NRG1: variants seen among roughly 807,000 people sequenced by gnomAD.
The protein encoded by NRG1 is pro-neuregulin-1, membrane-bound isoform.
NRG1 carries 18 observed loss-of-function variants against 63.8 expected under a neutral mutation model. That is an observed-to-expected ratio of 0.28 (90% CI 0.19 to 0.42). NRG1 has a LOEUF of 0.42. Ranked by LOEUF, NRG1 falls within the 10% of genes least tolerant of loss-of-function variation. NRG1 has a pLI of 1.00. For missense variants in NRG1, 762 were observed against 814.7 expected, an observed-to-expected ratio of 0.94 and a Z score of 0.79; for synonymous variants, 302 against 301.3, an observed-to-expected ratio of 1.00 and a Z score of -0.02.
intron 1 of NRG1, among the ~76,000 whole-genome samples, chr8:32,518,083 A>G (rs1830007460): frequency 6.6e-6 from 1 of 152,166 alleles, no homozygotes; most frequent in African/African-American, 2.4e-5. Flanking sequence ...ATAAATATTT[A>G]TTTCCATATC....
intron 1 of NRG1, among the ~76,000 whole-genome samples, chr8:32,506,125 C>A (rs962374193): frequency 2.0e-5 from 3 of 152,154 alleles, no homozygotes; most frequent in African/African-American, 4.8e-5. Flanking sequence ...TGGTGTACAT[C>A]TGTAGTCTCA....
chr8:32,309,474 T>C (rs558384586), intron 1 of NRG1, among the ~76,000 whole-genome samples: 2 of 152,348 alleles, frequency 1.3e-5, no homozygotes, highest in African/African-American at 2.4e-5. Flanking sequence ...AAGATCTTCA[T>C]GTACACGTGA....
intron 1 of NRG1, among the ~76,000 whole-genome samples, chr8:31,997,689 C>T (rs1812240494): frequency 6.6e-6 from 1 of 151,976 alleles, no homozygotes; most frequent in African/African-American, 2.4e-5. Context: ...ATCACACTGT[C>T]TCCTTCTACT....
At chr8:32,076,143 A>G (rs964835221) in intron 1 of NRG1, among the ~76,000 whole-genome samples, 3 of 152,166 alleles carry the variant, frequency 2.0e-5, no homozygotes, top group Admixed American at 6.5e-5. Flanking sequence ...ACAGAGTTAG[A>G]TAGCATTTAC....
chr8:32,743,556 T>A (rs1826825341), intron 7 of NRG1, among the ~76,000 whole-genome samples: 1 of 86,788 alleles, frequency 1.2e-5, no homozygotes, highest in Non-Finnish European at 2.3e-5. Flanking sequence ...CATATATATA[T>A]AAAACTTAAG....
intron 5 of NRG1, among the ~76,000 whole-genome samples, chr8:32,631,247 A>G (rs1446188392): frequency 6.6e-6 from 1 of 151,960 alleles, no homozygotes; most frequent in Non-Finnish European, 1.5e-5. Context: ...TGGGATTACA[A>G]CTCTTCTTTC....
intron 1 of NRG1, among the ~76,000 whole-genome samples, chr8:32,107,060 T>TACAACAACA (rs10633352): frequency 8.7e-5 from 13 of 150,070 alleles, no homozygotes; most frequent in African/African-American, 2.9e-4. Context: ...CTACTAAAAA[T>TACAACAACA]ACAACAACAA....
intron 1 of NRG1, among the ~76,000 whole-genome samples, chr8:32,331,121 C>G (rs752168218): frequency 6.6e-6 from 1 of 151,970 alleles, no homozygotes; most frequent in Non-Finnish European, 1.5e-5. Context: ...TAAATAGAGT[C>G]GTTACGCAAG....
At chr8:32,301,053 C>A (rs528818429) in intron 1 of NRG1, among the ~76,000 whole-genome samples, 1 of 152,144 alleles carries the variant, frequency 6.6e-6, no homozygotes, top group Non-Finnish European at 1.5e-5. Flanking sequence ...ACAATCTAAG[C>A]ATTGAGTCTT....
At chr8:32,694,489 T>C (rs760630742) in intron 5 of NRG1, among the ~76,000 whole-genome samples, 2 of 152,190 alleles carry the variant, frequency 1.3e-5, no homozygotes, top group Admixed American at 6.5e-5. Flanking sequence ...CCCATCATGG[T>C]GCTCGATCAG....
intron 1 of NRG1, among the ~76,000 whole-genome samples, chr8:32,466,077 C>G (rs1429245956): frequency 6.6e-6 from 1 of 152,102 alleles, no homozygotes; most frequent in African/African-American, 2.4e-5. Context: ...CCGAGATGGG[C>G]TGATCGCTTG....
chr8:32,322,355 T>TTTTATATA (rs1554507854), intron 1 of NRG1, among the ~76,000 whole-genome samples: 11 of 142,656 alleles, frequency 7.7e-5, no homozygotes, highest in African/African-American at 2.9e-4. Flanking sequence ...CAACCTTATT[T>TTTTATATA]TATATATATA....
intron 1 of NRG1, among the ~76,000 whole-genome samples, chr8:31,730,865 C>T (rs1813966440): frequency 6.6e-6 from 1 of 151,954 alleles, no homozygotes; most frequent in African/African-American, 2.4e-5. Context: ...AACATGTATT[C>T]TAAACATACA....
chr8:32,639,180 C>T (rs937976669), intron 5 of NRG1, among the ~76,000 whole-genome samples: 22 of 151,898 alleles, frequency 1.4e-4, no homozygotes, highest in Admixed American at 5.3e-4. Context: ...CCGAGGTGGG[C>T]GGATCACCTG....
intron 1 of NRG1, among the ~76,000 whole-genome samples, chr8:31,846,998 A>T (rs1023021071): frequency 2.4e-4 from 36 of 152,176 alleles, no homozygotes; most frequent in African/African-American, 7.0e-4. Context: ...TGAACTCATT[A>T]TATTTTATTC....
At chr8:32,300,576 T>G (rs1855470675) in intron 1 of NRG1, among the ~76,000 whole-genome samples, 1 of 152,348 alleles carries the variant, frequency 6.6e-6, no homozygotes, top group South Asian at 2.1e-4. Flanking sequence ...CATTAAACAT[T>G]ATTTCAGTAG....
intron 1 of NRG1, among the ~76,000 whole-genome samples, chr8:31,763,519 T>A (rs1817755249): frequency 6.6e-6 from 1 of 152,162 alleles, no homozygotes; most frequent in African/African-American, 2.4e-5. Context: ...CTTTCAACTG[T>A]CAGAAAAATA....
At chr8:32,111,100 C>T (rs1169049469) in intron 1 of NRG1, among the ~76,000 whole-genome samples, 3 of 151,956 alleles carry the variant, frequency 2.0e-5, no homozygotes, top group Non-Finnish European at 4.4e-5. Context: ...TATCATTTTG[C>T]TGAGCTATCA....
chr8:31,969,021 A>G (rs1806845723), intron 1 of NRG1, among the ~76,000 whole-genome samples: 1 of 152,050 alleles, frequency 6.6e-6, no homozygotes, highest in Non-Finnish European at 1.5e-5. Flanking sequence ...CTTCGTTTTC[A>G]ACCATGGTAG....
Sources: gnomAD v4.1 joint callset for allele counts (sites outside exome capture counted in the v4.1 genomes callset) on GRCh38, gnomAD v4.1.1 for gene constraint, MANE v1.5 for transcripts, NCBI Gene and HGNC (gene_info 2026-07-23, HGNC 2026-07-21) for gene names.